BCKDHB: variants seen among roughly 807,000 people sequenced by gnomAD.
BCKDHB encodes branched chain keto acid dehydrogenase E1 subunit beta.
A neutral mutation model predicts 48.5 loss-of-function variants in BCKDHB; 41 were observed. The observed-to-expected ratio is 0.85, with a 90% CI of 0.66 to 1.10. BCKDHB has a LOEUF of 1.10. Ranked by LOEUF, BCKDHB falls within the 50% of genes least tolerant of loss-of-function variation. The pLI, the probability that BCKDHB is intolerant of heterozygous loss-of-function variation, is 0.00. For synonymous variants in BCKDHB, 201 were observed against 174.8 expected (o/e 1.15, Z -1.18); for missense variants, 496 against 494.2 (o/e 1.00, Z -0.03).
chr6:80,412,786 G>C, the BCKDHB span, among the ~76,000 whole-genome samples: 1 of 152,180 alleles, frequency 6.6e-6, no homozygotes. Flanking sequence ...AGTTTTGCTA[G>C]ATATAGTTAT....
intron 4 of BCKDHB, among the ~76,000 whole-genome samples, chr6:80,168,513 G>A (rs1772697913): frequency 7.8e-6 from 1 of 127,604 alleles, no homozygotes; most frequent in African/African-American, 3.1e-5. Flanking sequence ...GGAGGGAAAA[G>A]CTCATTGTGC....
intron 6 of BCKDHB, among the ~76,000 whole-genome samples, chr6:80,187,575 A>T (rs745425609): frequency 6.6e-6 from 1 of 152,176 alleles, no homozygotes; most frequent in Non-Finnish European, 1.5e-5. Flanking sequence ...TTTGCAAACT[A>T]TGCATCTAAC....
chr6:80,454,447 A>T, the BCKDHB span, among the ~76,000 whole-genome samples: 1 of 152,156 alleles, frequency 6.6e-6, no homozygotes, highest in African/African-American at 2.4e-5. Context: ...GCTGAGCTGG[A>T]AAGTGCTGCT....
rs550354312 is a variant in BCKDHB at position 80,153,159 on chromosome 6, C to T, written c.344-14519C>T. Among the ~76,000 whole-genome samples the T allele has an allele frequency of 4.7e-4, 59 of 126,174 alleles. No homozygotes were observed. The South Asian group carries it at 0.014, about 30-fold the overall frequency. 82.8% of individuals were successfully genotyped at this position (126,174 alleles called of 152,430 possible). A position where few individuals can be genotyped will look rare whatever the true frequency, so the allele number is the denominator to read the frequency against. ...GGTCTCTTTTTTGCAGAAGGTGAGC[C>T]GTGGCCAGGCTTCCTGTTTATAGCC... On this transcript the variant is annotated intron_variant, in intron 3 of 9. Coordinates refer to ENST00000320393, the MANE Select transcript of BCKDHB (RefSeq NM_183050.4).
chr6:80,439,333 A>G, the BCKDHB span, among the ~76,000 whole-genome samples: 5 of 152,212 alleles, frequency 3.3e-5, no homozygotes, highest in Admixed American at 1.3e-4. Context: ...AATAAAAAAG[A>G]TGGCATTTCA....
At chr6:80,442,418 T>C in the BCKDHB span, among the ~76,000 whole-genome samples, 1,665 of 152,316 alleles carry the variant, frequency 0.011, 16 homozygotes, top group African/African-American at 0.025. Context: ...GTTTCTTTAA[T>C]AGTTGCTAAT....
intron 9 of BCKDHB, among the ~76,000 whole-genome samples, chr6:80,340,623 G>A (rs1769838674): frequency 6.6e-6 from 1 of 152,224 alleles, no homozygotes. Context: ...TGGTTTTTAA[G>A]TTATGGAACA....
intron 6 of BCKDHB, among the ~76,000 whole-genome samples, chr6:80,187,315 T>C (rs1185897521): frequency 6.6e-6 from 1 of 152,194 alleles, no homozygotes; most frequent in Non-Finnish European, 1.5e-5. Flanking sequence ...TTATTAAAAG[T>C]TGTTGCTATT....
At position 80,139,492 on chromosome 6, in the gene BCKDHB, G is replaced by A. The variant is rs1297080904; in HGVS notation, c.343+10263G>A. On this transcript the variant is annotated intron_variant, in intron 3 of 9. Transcript: ENST00000320393. ...AATTGATTTTTGTATAAGGTGTAAG[G>A]AAGGGATCCAGTTTCAGCTTTCTAC... Among the ~76,000 whole-genome samples the A allele has an allele frequency of 2.0e-5, 3 of 150,824 alleles. No homozygotes were observed. In the East Asian group the frequency reaches 5.8e-4, roughly 29 times the overall value.
At chr6:80,164,090 T>C (rs1053227951) in intron 3 of BCKDHB, among the ~76,000 whole-genome samples, 1 of 152,168 alleles carries the variant, frequency 6.6e-6, no homozygotes, top group African/African-American at 2.4e-5. Flanking sequence ...GCTCAGAGAA[T>C]GGCATGACCG....
chr6:80,236,664 A>T (rs1776159743), intron 8 of BCKDHB, among the ~76,000 whole-genome samples: 2 of 152,186 alleles, frequency 1.3e-5, no homozygotes, highest in African/African-American at 4.8e-5. Context: ...TGGCCCCAAG[A>T]CACATACTAA....
downstream of BCKDHB, among the ~76,000 whole-genome samples, chr6:80,350,770 G>A (rs1770371001): frequency 6.6e-6 from 1 of 152,112 alleles, no homozygotes; most frequent in South Asian, 2.1e-4. Flanking sequence ...TTTCAAGAAT[G>A]TTTTCTTGAT....
intron 8 of BCKDHB, among the ~76,000 whole-genome samples, chr6:80,266,512 T>C (rs1171152507): frequency 6.6e-6 from 1 of 152,108 alleles, no homozygotes; most frequent in Admixed American, 6.6e-5. Flanking sequence ...CATTGTGACC[T>C]TTTTTCAGTA....
In BCKDHB at chr6:80,252,418, G is replaced by T. The variant is rs1254278594; in HGVS notation, c.952-20717G>T. 2.0e-5 allele frequency among the ~76,000 whole-genome samples: 3 copies of T among 152,230 alleles called. No individual in the cohort carries two copies. The South Asian group carries it at 6.2e-4, about 32-fold the overall frequency. On this transcript the variant is annotated intron_variant, in intron 8 of 9. Coordinates refer to ENST00000320393, the MANE Select transcript of BCKDHB (RefSeq NM_183050.4). ...TCTTGAACCAAACATATTTATAAAA[G>T]AATTAGAGGAAGGTAACTTAATTCT...
chr6:80,359,699 A>G, the BCKDHB span, among the ~76,000 whole-genome samples: 1 of 152,026 alleles, frequency 6.6e-6, no homozygotes, highest in Admixed American at 6.5e-5. Flanking sequence ...GGTTCAAGTG[A>G]TTCTCCTGCC....
chr6:80,409,673 T>C, the BCKDHB span, among the ~76,000 whole-genome samples: 1 of 142,816 alleles, frequency 7.0e-6, no homozygotes, highest in Non-Finnish European at 1.5e-5. Context: ...TTTACCATTA[T>C]GTAATGGCCT....
chr6:80,464,807 G>A, the BCKDHB span, among the ~76,000 whole-genome samples: 2 of 152,352 alleles, frequency 1.3e-5, no homozygotes, highest in African/African-American at 4.8e-5. Flanking sequence ...AAGTGCTAGT[G>A]CTTTATTGGG....
chr6:80,321,754 T>A (rs1345536358), intron 9 of BCKDHB, among the ~76,000 whole-genome samples: 1 of 152,228 alleles, frequency 6.6e-6, no homozygotes, highest in Non-Finnish European at 1.5e-5. Flanking sequence ...CCTTGGGAAC[T>A]ATAAAATATT....
Position 80,185,851 on chromosome 6 carries a change from T to C in BCKDHB, c.742+14461T>C, listed in dbSNP as rs139744038. 1.7e-3 allele frequency among the ~76,000 whole-genome samples: 265 copies of C among 152,320 alleles called. 1 individual carries two copies. The highest frequency in any genetic ancestry group is 6.0e-3 in the African/African-American group (251 of 41,580). On this transcript the variant is annotated intron_variant, in intron 6 of 9. Coordinates refer to ENST00000320393, the MANE Select transcript of BCKDHB (RefSeq NM_183050.4). ...CAAGGGAGTTAAGTGTACTCTATGA[T>C]AGTCCTTGGTTGTCGTTTTGTTTAG...
Sources: allele counts gnomAD v4.1 joint callset (sites outside exome capture counted in the v4.1 genomes callset), GRCh38; gene constraint gnomAD v4.1.1; transcripts MANE v1.5; gene names NCBI Gene and HGNC (gene_info 2026-07-23, HGNC 2026-07-21).